Variants in LAMA1 observed in about 807,000 individuals in gnomAD.
LAMA1 encodes laminin subunit alpha 1.
Under a neutral mutation model 348.7 loss-of-function variants are expected in LAMA1, and 219 were observed. The ratio of observed to expected loss-of-function variants is 0.63; its 90% confidence interval spans 0.56 to 0.70. The LOEUF is 0.70. Ranked by LOEUF, LAMA1 falls within the 30% of genes least tolerant of loss-of-function variation. The pLI is 0.00. For synonymous variants in LAMA1, 1,487 were observed against 1,491.0 expected (o/e 1.00, Z 0.06); for missense variants, 3,744 against 3,888.0 (o/e 0.96, Z 0.99).
intron 3 of LAMA1, among the ~76,000 whole-genome samples, chr18:7,078,176 AT>A (rs1342340444): frequency 1.6e-5 from 2 of 121,620 alleles, no homozygotes; most frequent in African/African-American, 3.1e-5. Flanking sequence ...ATTTTATTTT[AT>A]TTTTTTTGAG....
chr18:7,024,575 G>A (rs2057933893), intron 17 of LAMA1, 109 bp from the exon 18 acceptor site: 2 of 882,618 alleles, frequency 2.3e-6, no homozygotes, highest in South Asian at 1.4e-5. Flanking sequence ...CCTTCAATGA[G>A]ACCTCCTTAG....
chr18:6,988,926 CTGGA>C (rs66755047), intron 36 of LAMA1, among the ~76,000 whole-genome samples: 129,021 of 151,612 alleles, frequency 0.85, 55,067 homozygotes, highest in East Asian at 0.99. Flanking sequence ...ACGTGGCGGG[CTGGA>C]TGGAGTCTGC....
rs747084740 is a variant in LAMA1, at chr18:7,006,676, C to A, written c.4260+463G>T. ...TGGCACAGCCTACTACACGCCTAGG[C>A]CATATGGTAGAGCCTATTGCTCCTG... On this transcript the variant is annotated intron_variant, in intron 29 of 62. Coordinates refer to ENST00000389658, the MANE Select transcript of LAMA1 (RefSeq NM_005559.4). Among the ~76,000 whole-genome samples the A allele has an allele frequency of 3.3e-5, 5 of 152,170 alleles. 1 individual carries two copies. Among genetic ancestry groups the A allele is most frequent in the Non-Finnish European group, 7.3e-5 (5 of 68,038 alleles).
At chr18:7,104,918 C>T (rs2143826174) in intron 1 of LAMA1, among the ~76,000 whole-genome samples, 1 of 152,296 alleles carries the variant, frequency 6.6e-6, no homozygotes, top group East Asian at 1.9e-4. Flanking sequence ...CAGTGCGATA[C>T]CTCCCCAAGT....
rs183770148 is a variant in LAMA1, at chr18:7,093,848, C to A, written c.62-13391G>T. On this transcript the variant is annotated intron_variant, in intron 1 of 62. Transcript: ENST00000389658. ...GGAGTGCAGTGTCACGATATCGGCT[C>A]CCCGCATCCTCCGCCTCCCGGGTTC... Among the ~76,000 whole-genome samples, 142 of 150,920 alleles carry A rather than the reference C, an allele frequency of 9.4e-4. 3 individuals are homozygous for A. In the East Asian group the frequency reaches 0.028, roughly 30 times the overall value.
intron 51 of LAMA1, 96 bp downstream of exon 51, chr18:6,964,566 T>C: frequency 6.8e-7 from 1 of 1,469,126 alleles, no homozygotes; most frequent in South Asian, 1.1e-5. Context: ...ATTAGTGTTG[T>C]TTAAGCCACC....
intron 9 of LAMA1, among the ~76,000 whole-genome samples, chr18:7,041,615 G>A (rs1187006644): frequency 6.6e-6 from 1 of 152,238 alleles, no homozygotes; most frequent in Non-Finnish European, 1.5e-5. Context: ...AACGGAAAGA[G>A]AACTCTGACA....
intron 1 of LAMA1, among the ~76,000 whole-genome samples, chr18:7,094,335 A>G (rs920913485): frequency 6.6e-6 from 1 of 151,234 alleles, no homozygotes; most frequent in African/African-American, 2.4e-5. Context: ...GAGGCAGGAG[A>G]ATGGCCTGAA....
At chr18:6,980,022 C>T (rs967204025) in intron 42 of LAMA1, among the ~76,000 whole-genome samples, 1 of 149,314 alleles carries the variant, frequency 6.7e-6, no homozygotes, top group African/African-American at 2.6e-5. Flanking sequence ...GTAGACCCCC[C>T]CAAAAAATTT....
intron 3 of LAMA1, among the ~76,000 whole-genome samples, chr18:7,055,905 C>T (rs1486049123): frequency 6.6e-6 from 1 of 151,430 alleles, no homozygotes; most frequent in Non-Finnish European, 1.5e-5. Flanking sequence ...CACAGTGAAA[C>T]CCCGTCTCCA....
intron 49 of LAMA1, 163 bp downstream of exon 49, chr18:6,965,984 T>C (rs1400691881): frequency 6.1e-5 from 44 of 725,696 alleles, no homozygotes; most frequent in Non-Finnish European, 9.6e-5. Context: ...AATGAGGAAA[T>C]TGTTTAGCAC....
chr18:7,010,841 C>T (rs1240830654), intron 25 of LAMA1, among the ~76,000 whole-genome samples: 2 of 152,138 alleles, frequency 1.3e-5, no homozygotes, highest in African/African-American at 4.8e-5. Flanking sequence ...TGAAAAGGGA[C>T]TCCCAGGCCA....
At chr18:7,074,425 A>C (rs1323753951) in intron 3 of LAMA1, among the ~76,000 whole-genome samples, 1 of 152,198 alleles carries the variant, frequency 6.6e-6, no homozygotes, top group African/African-American at 2.4e-5. Context: ...ATAGGGAATA[A>C]ATTTTCCTGT....
chr18:7,025,919 G>A (rs886075684), intron 17 of LAMA1, 60 bp downstream of exon 17: 29 of 1,565,302 alleles, frequency 1.9e-5, no homozygotes, highest in Non-Finnish European at 2.3e-5. Flanking sequence ...TCATTAGTAC[G>A]CATCTGGGTG....
intron 36 of LAMA1, among the ~76,000 whole-genome samples, chr18:6,990,972 G>C (rs981164463): frequency 6.6e-6 from 1 of 152,100 alleles, no homozygotes; most frequent in African/African-American, 2.4e-5. Context: ...GATGATCACA[G>C]AACACAATGT....
At chr18:7,080,903 T>C (rs2058190936) in intron 1 of LAMA1, among the ~76,000 whole-genome samples, 1 of 152,134 alleles carries the variant, frequency 6.6e-6, no homozygotes, top group South Asian at 2.1e-4. Context: ...TGCGGAAATG[T>C]TTAGGAGTAA....
chr18:7,002,212 T>G, intron 30 of LAMA1, 52 bp downstream of exon 30: 1 of 1,602,790 alleles, frequency 6.2e-7, no homozygotes, highest in Non-Finnish European at 8.5e-7. Flanking sequence ...GAGGCTGAAC[T>G]GGAAGCAGCC....
intron 42 of LAMA1, among the ~76,000 whole-genome samples, chr18:6,979,681 C>T (rs1001741477): frequency 3.3e-4 from 50 of 152,188 alleles, no homozygotes; most frequent in Middle Eastern, 3.4e-3. Context: ...GGGCGGATCA[C>T]GAGGTCAGGA....
At chr18:6,969,809 CAT>C (rs1453724350) in intron 48 of LAMA1, among the ~76,000 whole-genome samples, 18 of 152,116 alleles carry the variant, frequency 1.2e-4, no homozygotes, top group Non-Finnish European at 2.1e-4. Context: ...GGGAACAAAA[CAT>C]GTGACCACCT....
Sources: allele counts gnomAD v4.1 joint callset (sites outside exome capture counted in the v4.1 genomes callset), GRCh38; gene constraint gnomAD v4.1.1; transcripts MANE v1.5; gene names NCBI Gene and HGNC (gene_info 2026-07-23, HGNC 2026-07-21).